Variants in TKT observed in about 807,000 individuals in gnomAD.
The protein encoded by TKT is epididymis luminal protein 107.
A neutral mutation model predicts 63.9 loss-of-function variants in TKT; 47 were observed. The observed-to-expected ratio is 0.74, with a 90% CI of 0.58 to 0.94. The LOEUF (loss-of-function observed/expected upper bound fraction) is 0.94. Ranked by LOEUF, TKT falls within the 40% of genes least tolerant of loss-of-function variation. The pLI is 0.00. For synonymous variants in TKT, 338 were observed against 334.1 expected (o/e 1.01, Z -0.13); for missense variants, 721 against 846.2 (o/e 0.85, Z 1.84).
At chr3:53,255,252 G>A (rs1345118192) in intron 1 of TKT, among the ~76,000 whole-genome samples, 1 of 152,226 alleles carries the variant, frequency 6.6e-6, no homozygotes, top group Non-Finnish European at 1.5e-5. Flanking sequence ...CGTAGTCTGA[G>A]GTGGGGAGAA....
Position 53,231,536 on chromosome 3 carries a change from C to A in TKT, c.763G>T (p.Glu255Ter). The change falls in exon 7 of 14, where the codon GAG (glutamate) becomes TAG (stop). Residue 255 changes from glutamate (E) to a stop codon, truncating the protein, a stop_gained. Coordinates refer to ENST00000462138, the MANE Select transcript of TKT (RefSeq NM_001064.4). LOFTEE classifies it high-confidence loss of function. ...GRGITGVEDKESWHGKPLPKN... is the reference protein window; with the variant it reads ...GRGITGVEDK Reference sequence around the variant, plus strand: ...GGGAGGGGCTTCCCATGCCAAGACTCCTTATCTTCTACCCCTGCAGACCCA... The same window carrying A: ...GGGAGGGGCTTCCCATGCCAAGACTACTTATCTTCTACCCCTGCAGACCCA... 1 of 1,613,816 alleles carries A rather than the reference C, an allele frequency of 6.2e-7. No homozygotes were observed. Among genetic ancestry groups the A allele is most frequent in the Non-Finnish European group, 8.5e-7 (1 of 1,179,910 alleles).
intron 1 of TKT, among the ~76,000 whole-genome samples, chr3:53,245,473 T>G (rs782583812): frequency 1.3e-5 from 2 of 152,222 alleles, no homozygotes; most frequent in Non-Finnish European, 2.9e-5. Flanking sequence ...ACCCTCCAGA[T>G]GGGCTCCTTC....
At position 53,229,019 on chromosome 3, in the gene TKT, G is replaced by C. The variant is rs377506783; in HGVS notation, c.1383C>G (p.Ala461=). ...GVATEKAVEL[A]ANTKGICFIR... ...CCATGCAACCTACCTTTGTATTGGC[G>C]GCTAGTTCCACTGCCTTCTCTGTAG... is the stretch of plus-strand genomic sequence containing the variant. The change falls in exon 10 of 14, where the codon GCC becomes GCG. Residue 461 remains alanine, a synonymous_variant. Transcript: ENST00000462138. 5.0e-5 allele frequency: 81 copies of C among 1,613,990 alleles called. No individual in the cohort carries two copies. The highest frequency in any genetic ancestry group is 6.7e-5 in the Non-Finnish European group (79 of 1,180,026).
chr3:53,243,638 G>A (rs1232627143), intron 1 of TKT: 2 of 456,384 alleles, frequency 4.4e-6, no homozygotes, highest in East Asian at 6.9e-5. Flanking sequence ...AGAGGGAGGG[G>A]AGGACATGGT....
At position 53,229,443 on chromosome 3, in the gene TKT, G is replaced by C. The variant is rs1414827820; in HGVS notation, c.1108-7C>G. 31 of 1,599,570 alleles carry C rather than the reference G, an allele frequency of 1.9e-5. No individual in the cohort carries two copies. The highest frequency in any genetic ancestry group is 2.6e-5 in the Non-Finnish European group (31 of 1,173,624). ...AGCCCACCGCGATGCTCACCTGGGG[G>C]CAGGTGGGACAGGGTCAGCCCAAAG... On this transcript the variant is annotated splice_polypyrimidine_tract_variant and splice_region_variant and intron_variant, in intron 8 of 13. Coordinates refer to ENST00000462138, the MANE Select transcript of TKT (RefSeq NM_001064.4).
intron 1 of TKT, among the ~76,000 whole-genome samples, chr3:53,245,484 A>G (rs2106715878): frequency 6.6e-6 from 1 of 152,066 alleles, no homozygotes; most frequent in East Asian, 1.9e-4. Context: ...GGGCTCCTTC[A>G]AGAGATAATG....
intron 9 of TKT, 34 bp downstream of exon 9, chr3:53,229,246 G>C (rs747534360): frequency 4.8e-5 from 77 of 1,613,344 alleles, no homozygotes; most frequent in Non-Finnish European, 5.8e-5. Context: ...AAAGTCAAGG[G>C]AGCTCCAGGT....
At chr3:53,250,075 C>T (rs1553681445) in intron 1 of TKT, among the ~76,000 whole-genome samples, 2 of 152,214 alleles carry the variant, frequency 1.3e-5, no homozygotes, top group African/African-American at 2.4e-5. Context: ...AAAACACCGA[C>T]CACCAGCCCT....
chr3:53,231,072 A>C (rs73840258), intron 7 of TKT, among the ~76,000 whole-genome samples: 27,172 of 152,200 alleles, frequency 0.18, 2,520 homozygotes, highest in South Asian at 0.29. Flanking sequence ...TGGACCAGCG[A>C]TGCAAGAACT....
chr3:53,247,355 C>A (rs1705559886), intron 1 of TKT, among the ~76,000 whole-genome samples: 1 of 69,370 alleles, frequency 1.4e-5, no homozygotes, highest in Admixed American at 2.2e-4. Flanking sequence ...GAAACTCAGC[C>A]TCAAAAAAAA....
At chr3:53,249,117 C>T (rs1261506872) in intron 1 of TKT, among the ~76,000 whole-genome samples, 7 of 151,984 alleles carry the variant, frequency 4.6e-5, no homozygotes, top group Non-Finnish European at 7.4e-5. Flanking sequence ...CAGGTGCCTG[C>T]TACCATGCCC....
At chr3:53,236,084 G>A (rs1041035677) in intron 4 of TKT, among the ~76,000 whole-genome samples, 2 of 152,234 alleles carry the variant, frequency 1.3e-5, no homozygotes, top group African/African-American at 2.4e-5. Flanking sequence ...GCTCCTTGCC[G>A]TGCAGGCATG....
chr3:53,230,683 T>G lies in TKT; in HGVS notation c.943-62A>C, dbSNP rs114910882. 4.1e-4 allele frequency: 646 copies of G among 1,585,596 alleles called. 2 individuals carry two copies. In the African/African-American group the frequency reaches 7.7e-3, roughly 19 times the overall value. On this transcript the variant is annotated intron_variant, in intron 7 of 13. Coordinates refer to ENST00000462138, the MANE Select transcript of TKT (RefSeq NM_001064.4). ...TGAGGGTGAGTGCACACCTGCAGCC[T>G]GGAGCCCTGCTTTCAGAGAAGGATT...
At chr3:53,235,390 C>T (rs1017412579) in intron 4 of TKT, 7 of 465,808 alleles carry the variant, frequency 1.5e-5, no homozygotes, top group African/African-American at 9.8e-5. Context: ...TGAAGGAAGA[C>T]GTCAGGAGCT....
chr3:53,230,591 G>C lies in TKT; in HGVS notation c.973C>G (p.Leu325Val). The C allele has an allele frequency of 6.2e-7, 1 of 1,614,262 alleles. No homozygotes were observed. Among genetic ancestry groups the C allele is most frequent in the Non-Finnish European group, 8.5e-7 (1 of 1,180,050 alleles). ...IATRKAYGQA[L>V]AKLGHASDRI... ...TCACTGGCATGGCCCAGCTTGGCCA[G>C]TGCCTGCCCGTAGGCCTTGCGGGTG... The change falls in exon 8 of 14, where the codon CTG (leucine) becomes GTG (valine). Residue 325 changes from leucine to valine, a missense_variant. Leu to Val is a conservative substitution (Grantham distance 32). Transcript: ENST00000462138.
At chr3:53,243,678 G>A (rs1468796685) in intron 1 of TKT, 2 of 454,534 alleles carry the variant, frequency 4.4e-6, no homozygotes, top group Admixed American at 4.7e-5. Context: ...GCCTGGCAGG[G>A]ACCCTAATCC....
At chr3:53,244,372 G>A (rs930984509) in intron 1 of TKT, among the ~76,000 whole-genome samples, 4 of 152,170 alleles carry the variant, frequency 2.6e-5, no homozygotes, top group Non-Finnish European at 4.4e-5. Context: ...CGTCAACCCG[G>A]GGCTCAGCTT....
chr3:53,255,569 C>T (rs1303266011), intron 1 of TKT, among the ~76,000 whole-genome samples: 4 of 152,168 alleles, frequency 2.6e-5, no homozygotes, highest in African/African-American at 9.7e-5. Context: ...GGCCGGCGAT[C>T]CGCGTGGGGA....
At chr3:53,233,099 T>C (rs1171435393) in intron 6 of TKT, 57 bp downstream of exon 6, 31 of 1,470,694 alleles carry the variant, frequency 2.1e-5, no homozygotes, top group Non-Finnish European at 2.7e-5. Context: ...CAGAGCTACG[T>C]AGCCACAGTG....
Sources: gnomAD v4.1 joint callset for allele counts (sites outside exome capture counted in the v4.1 genomes callset) on GRCh38, gnomAD v4.1.1 for gene constraint, MANE v1.5 for transcripts, NCBI Gene and HGNC (gene_info 2026-07-23, HGNC 2026-07-21) for gene names.